The following ZNF483 variants were observed in gnomAD, a reference collection of about 807,000 sequenced individuals.
The protein encoded by ZNF483 is zinc finger protein HIT-10.
In ZNF483, 9 loss-of-function variants were observed where a neutral mutation model predicts 28.6. That is an observed-to-expected ratio of 0.32 (90% CI 0.19 to 0.55). ZNF483 has a LOEUF of 0.55. Among genes scored for constraint, ZNF483 ranks in the 20% least tolerant of loss-of-function variants. The pLI is 0.93. For synonymous variants in ZNF483, 322 were observed against 306.2 expected, an observed-to-expected ratio of 1.05 and a Z score of -0.54; for missense variants, 675 against 871.7, an observed-to-expected ratio of 0.77 and a Z score of 2.84.
At chr9:111,568,429 G>A (rs974471802) in intron 5 of ZNF483, among the ~76,000 whole-genome samples, 5 of 152,128 alleles carry the variant, frequency 3.3e-5, no homozygotes, top group Admixed American at 1.3e-4. Flanking sequence ...GGTCAGACTG[G>A]TTCTCTGCTT....
At chr9:111,574,008 C>T (rs1828947680) in intron 5 of ZNF483, among the ~76,000 whole-genome samples, 2 of 152,202 alleles carry the variant, frequency 1.3e-5, no homozygotes, top group African/African-American at 4.8e-5. Flanking sequence ...CGCCCTACTG[C>T]TCCAAGAAGC....
chr9:111,572,544 C>T (rs772849060), intron 5 of ZNF483, among the ~76,000 whole-genome samples: 1 of 151,914 alleles, frequency 6.6e-6, no homozygotes, highest in Non-Finnish European at 1.5e-5. Context: ...GAGCCGAGAT[C>T]GTGCCATTGC....
chr9:111,527,902 G>T lies in ZNF483; in HGVS notation c.412+95G>T, dbSNP rs778531665. 4.4e-6 allele frequency: 7 copies of T among 1,596,698 alleles called. No homozygotes were observed. The Admixed American group carries it at 1.1e-4, about 24-fold the overall frequency. On this transcript the variant is annotated intron_variant, in intron 2 of 5. Coordinates refer to ENST00000309235, the MANE Select transcript of ZNF483 (RefSeq NM_133464.5). ...GAAGGCAATTTACTGCTAAAGAGGAGTCTGAGGTTAGAAGTTGGGACTGGG... is the reference window on the plus strand; with the variant it reads ...GAAGGCAATTTACTGCTAAAGAGGATTCTGAGGTTAGAAGTTGGGACTGGG...
chr9:111,570,317 G>A, intron 5 of ZNF483: 1 of 1,453,952 alleles, frequency 6.9e-7, no homozygotes, highest in South Asian at 1.5e-5. Flanking sequence ...GTTTTTTGGT[G>A]CTTCTCCCCT....
chr9:111,542,528 C>T lies in ZNF483; in HGVS notation c.1593C>T (p.Pro531=), dbSNP rs1046202320. The T allele has an allele frequency of 1.9e-6, 3 of 1,613,984 alleles. No homozygotes were observed. The highest frequency in any genetic ancestry group is 2.5e-6 in the Non-Finnish European group (3 of 1,179,998). Residue 531 remains proline (P), a synonymous_variant, in exon 6 of 6, where the codon CCC becomes CCT. Coordinates refer to ENST00000309235, the MANE Select transcript of ZNF483 (RefSeq NM_133464.5). The surrounding 1 kb of genome is among the most constrained non-coding windows in gnomAD (Gnocchi z 6.2). The part of the protein sequence containing the change: ...KPYKCKDCGR[P]FSDSSSLIQH... ...ATAAATGTAAAGACTGTGGGAGACC[C>T]TTTAGTGACAGTTCATCTCTTATTC... is the stretch of plus-strand genomic sequence containing the variant.
chr9:111,571,656 T>TTTTG (rs112914784), intron 5 of ZNF483, among the ~76,000 whole-genome samples: 246 of 151,394 alleles, frequency 1.6e-3, no homozygotes, highest in African/African-American at 5.5e-3. Context: ...TTTTTTTAGT[T>TTTTG]TTTGTTTGTT....
At chr9:111,563,863 G>A (rs1356659280) in intron 5 of ZNF483, 2 of 152,480 alleles carry the variant, frequency 1.3e-5, no homozygotes, top group African/African-American at 4.8e-5. Context: ...AATGATCTCA[G>A]AGGAGGTACA....
intron 5 of ZNF483, chr9:111,570,352 C>A: frequency 7.4e-7 from 1 of 1,359,278 alleles, no homozygotes; most frequent in Non-Finnish European, 9.7e-7. Context: ...CCTTTCTGAT[C>A]CACGGGACTG....
At position 111,549,744 on chromosome 9, in the gene ZNF483, T is replaced by C. The variant is rs1339647728; in HGVS notation, c.*6574T>C. ...TTCTAAGGTAATGGTGAATGATACA[T>C]ATTCCCTTCATTTTTCTGCTTTGAA... is the stretch of plus-strand genomic sequence containing the variant. On this transcript the variant is annotated 3_prime_UTR_variant, in exon 6 of 6. Coordinates refer to ENST00000309235, the MANE Select transcript of ZNF483 (RefSeq NM_133464.5). 2 of 1,550,768 alleles carry C rather than the reference T, an allele frequency of 1.3e-6. No homozygotes were observed. Among genetic ancestry groups the C allele is most frequent in the Non-Finnish European group, 1.7e-6 (2 of 1,146,610 alleles).
At chr9:111,528,304 C>A (rs1334782150) in intron 2 of ZNF483, among the ~76,000 whole-genome samples, 1 of 152,188 alleles carries the variant, frequency 6.6e-6, no homozygotes, top group Non-Finnish European at 1.5e-5. Context: ...AAATAAGGAA[C>A]TGAATTTTTT....
chr9:111,572,485 G>A (rs1418851346), intron 5 of ZNF483, among the ~76,000 whole-genome samples: 1 of 152,144 alleles, frequency 6.6e-6, no homozygotes, highest in Non-Finnish European at 1.5e-5. Flanking sequence ...AGCTACTCAG[G>A]AGGCTAAGGC....
chr9:111,548,118 A>G lies in ZNF483; in HGVS notation c.*4948A>G, dbSNP rs1005819398. Among the ~76,000 whole-genome samples, 3 of 152,068 alleles carry G rather than the reference A, an allele frequency of 2.0e-5. No individual in the cohort carries two copies. The highest frequency in any genetic ancestry group is 7.2e-5 in the African/African-American group (3 of 41,394). The stretch of plus-strand genomic sequence containing the variant: ...GGCCTCCAGCTTTGTTCTTTCCCAA[A>G]TTGTTTTGGCTATTTGGGGGTCCTT... On this transcript the variant is annotated 3_prime_UTR_variant, in exon 6 of 6. Transcript: ENST00000309235.
intron 5 of ZNF483, chr9:111,576,289 T>C: frequency 6.8e-7 from 1 of 1,474,404 alleles, no homozygotes. Flanking sequence ...CATATTTGCA[T>C]ATTGTAAACT....
intron 5 of ZNF483, among the ~76,000 whole-genome samples, chr9:111,572,332 T>C (rs1186360534): frequency 1.3e-5 from 2 of 152,142 alleles, no homozygotes; most frequent in African/African-American, 4.8e-5. Context: ...TGGTGGCTCA[T>C]GCCTGTAATC....
At chr9:111,560,346 C>T (rs965003730), downstream of ZNF483, among the ~76,000 whole-genome samples, 4 of 151,604 alleles carry the variant, frequency 2.6e-5, no homozygotes, top group Non-Finnish European at 5.9e-5. Flanking sequence ...TGGTGGTGGG[C>T]GCCTGTAGTC....
In ZNF483 at chr9:111,555,364, A is replaced by G. The variant is rs76945757; in HGVS notation, c.*12194A>G. On this transcript the variant is annotated 3_prime_UTR_variant, in exon 6 of 6. Transcript: ENST00000309235. ...CCTCTGATTTTCTCCCTACTTCCAG[A>G]AAACCTGATGCCTCCACCTCCTAAA... Among the ~76,000 whole-genome samples, 4,241 of 152,240 alleles carry G rather than the reference A, an allele frequency of 0.028. 113 individuals carry two copies. Among genetic ancestry groups the G allele is most frequent in the East Asian group, 0.14 (748 of 5,174 alleles).
At position 111,527,437 on chromosome 9, in the gene ZNF483, A is replaced by T; in HGVS notation, c.42A>T (p.Ser14=). ...VVPLNKMTAI[S]PEPQTLASTE... The stretch of plus-strand genomic sequence containing the variant: ...CCTTGAACAAGATGACAGCCATCTC[A>T]CCAGAACCTCAAACTCTGGCCTCGA... The change falls in exon 2 of 6, where the codon TCA becomes TCT. Residue 14 remains serine, a synonymous_variant. Coordinates refer to ENST00000309235, the MANE Select transcript of ZNF483 (RefSeq NM_133464.5). 6.2e-7 allele frequency: 1 copy of T among 1,614,134 alleles called. No individual in the cohort carries two copies. Among genetic ancestry groups the T allele is most frequent in the Non-Finnish European group, 8.5e-7 (1 of 1,180,038 alleles).
At position 111,541,910 on chromosome 9, in the gene ZNF483, G is replaced by C. The variant is rs1243577933; in HGVS notation, c.975G>C (p.Leu325Phe). ...TAATTAAACATCTGAGAGTCTACTT[G>C]AGGAAGAAATCTCGGAGGTATAATG... ...SDLIKHLRVY[L>F]RKKSRRYNES... Residue 325 changes from leucine (L) to phenylalanine (F), a missense_variant, in exon 6 of 6, where the codon TTG (leucine) becomes TTC (phenylalanine). Leu to Phe is a conservative substitution (Grantham distance 22, BLOSUM62 0). Transcript: ENST00000309235. 6.2e-7 allele frequency: 1 copy of C among 1,613,972 alleles called. No homozygotes were observed. The highest frequency in any genetic ancestry group is 1.3e-5 in the African/African-American group (1 of 74,910).
At chr9:111,559,027 C>G (rs533937929), downstream of ZNF483, among the ~76,000 whole-genome samples, 4 of 152,246 alleles carry the variant, frequency 2.6e-5, no homozygotes, top group South Asian at 8.3e-4. Flanking sequence ...ACTCTTGCCT[C>G]CCCATGTGGT....
Sources: allele counts gnomAD v4.1 joint callset (sites outside exome capture counted in the v4.1 genomes callset), GRCh38; gene constraint gnomAD v4.1.1; non-coding constraint Gnocchi (gnomAD v3.1); transcripts MANE v1.5; gene names NCBI Gene and HGNC (gene_info 2026-07-23, HGNC 2026-07-21).